The following PIEZO2 variants were observed in gnomAD, a reference collection of about 807,000 sequenced individuals.
The protein encoded by PIEZO2 is piezo-type mechanosensitive ion channel component 2.
In PIEZO2, 172 loss-of-function variants were observed where a neutral mutation model predicts 337.3. That is an observed-to-expected ratio of 0.51 (90% CI 0.45 to 0.58). The LOEUF (loss-of-function observed/expected upper bound fraction) is 0.58. PIEZO2 is among the 20% of genes least tolerant of loss of function. The probability of loss-of-function intolerance (pLI) is 0.00; values close to 1 mark genes in which losing one functional copy is unlikely to be tolerated. For synonymous variants in PIEZO2, 1,251 were observed against 1,228.5 expected (o/e 1.02, Z -0.38); for missense variants, 3,028 against 3,391.3 (o/e 0.89, Z 2.66).
At chr18:10,725,216 A>T in intron 36 of PIEZO2, 1 of 1,562,264 alleles carries the variant, frequency 6.4e-7, no homozygotes, top group Non-Finnish European at 8.8e-7. Context: ...GTTCTGGAGA[A>T]GTTTGGAACC....
rs114532636 is a variant in PIEZO2, at chr18:11,107,073, C to T, written c.65-40851G>A. Among the ~76,000 whole-genome samples, 601 of 152,228 alleles carry T rather than the reference C, an allele frequency of 3.9e-3. 7 individuals carry two copies. The highest frequency in any genetic ancestry group is 0.014 in the African/African-American group (574 of 41,544). On this transcript the variant is annotated intron_variant, in intron 1 of 55. Transcript: ENST00000674853. ...CACTTCTTTCTCTGATCTCAATGACCGCAACTTTTCACACCCTTTTTAGCA... is the reference window on the plus strand; with the variant it reads ...CACTTCTTTCTCTGATCTCAATGACTGCAACTTTTCACACCCTTTTTAGCA...
intron 3 of PIEZO2, among the ~76,000 whole-genome samples, chr18:10,975,054 C>T (rs2034390739): frequency 6.6e-6 from 1 of 152,102 alleles, no homozygotes; most frequent in Admixed American, 6.6e-5. Context: ...GCAAAGCTCA[C>T]CTGGAACAAG....
intron 27 of PIEZO2, among the ~76,000 whole-genome samples, chr18:10,756,257 G>A (rs1419657641): frequency 6.7e-6 from 1 of 150,034 alleles, no homozygotes; most frequent in Admixed American, 6.6e-5. Context: ...GATAAAGGAT[G>A]AGAATGAGGG....
At chr18:10,696,974 G>A (rs114858202) in intron 45 of PIEZO2, among the ~76,000 whole-genome samples, 1,603 of 152,300 alleles carry the variant, frequency 0.011, 21 homozygotes, top group African/African-American at 0.037. Flanking sequence ...AAGTAAATGA[G>A]GGAATGCATG....
chr18:10,975,437 A>G (rs577231058), intron 3 of PIEZO2, among the ~76,000 whole-genome samples: 24 of 152,060 alleles, frequency 1.6e-4, no homozygotes, highest in African/African-American at 5.8e-4. Context: ...GCCCCCATGG[A>G]CTCCTCACTT....
At chr18:11,041,449 C>G (rs965862451) in intron 2 of PIEZO2, among the ~76,000 whole-genome samples, 1 of 152,012 alleles carries the variant, frequency 6.6e-6, no homozygotes, top group Non-Finnish European at 1.5e-5. Flanking sequence ...TAGACAAAGG[C>G]ATGATTTCAA....
chr18:10,995,082 A>AAAAAAAAAAGAAAT (rs534311613), intron 2 of PIEZO2, among the ~76,000 whole-genome samples: 1 of 128,124 alleles, frequency 7.8e-6, no homozygotes, highest in Non-Finnish European at 1.6e-5. Context: ...CGTCTCAAAA[A>AAAAAAAAAAGAAAT]AAAAAAAAAA....
At chr18:10,769,759 A>G (rs539709449) in intron 21 of PIEZO2, 2 of 163,400 alleles carry the variant, frequency 1.2e-5, no homozygotes, top group African/African-American at 4.8e-5. Context: ...GAACTCTACT[A>G]AAGATTTTAT....
At position 10,713,576 on chromosome 18, in the gene PIEZO2, C is replaced by T. The variant is rs905073404; in HGVS notation, c.5423+1188G>A. On this transcript the variant is annotated intron_variant, in intron 39 of 55. Coordinates refer to ENST00000674853, the MANE Select transcript of PIEZO2 (RefSeq NM_001378183.1). This position sits in a 1 kb window ranked among gnomAD's most constrained non-coding sequence, Gnocchi z 4.5. Reference sequence around the variant, plus strand: ...GTTTCTGACCAGCAGTCAGAGACACCAGTCTCTACTGTCCTCCCCAGGGCA... The same window carrying T: ...GTTTCTGACCAGCAGTCAGAGACACTAGTCTCTACTGTCCTCCCCAGGGCA... 6.6e-6 allele frequency among the ~76,000 whole-genome samples: 1 copy of T among 152,138 alleles called. No homozygotes were observed. The highest frequency in any genetic ancestry group is 2.4e-5 in the African/African-American group (1 of 41,420).
At position 10,861,163 on chromosome 18, in the gene PIEZO2, A is replaced by ATT. The variant is rs1389429490; in HGVS notation, c.493-3953_493-3952insAA. ...CACTCTCGCATGTTTACTAACAGGCAGTCTTGCTTGCTGGAGCTGTAAGCT... is the reference window on the plus strand; with the variant it reads ...CACTCTCGCATGTTTACTAACAGGCATTGTCTTGCTTGCTGGAGCTGTAAGCT... On this transcript the variant is annotated intron_variant, in intron 5 of 55. Transcript: ENST00000674853. This position sits in a 1 kb window ranked among gnomAD's most constrained non-coding sequence, Gnocchi z 4.3. Among the ~76,000 whole-genome samples the ATT allele has an allele frequency of 6.6e-6, 1 of 152,258 alleles. No individual in the cohort carries two copies. The highest frequency in any genetic ancestry group is 2.4e-5 in the African/African-American group (1 of 41,472).
At chr18:10,792,405 T>C (rs562458304) in intron 13 of PIEZO2, among the ~76,000 whole-genome samples, 12 of 152,242 alleles carry the variant, frequency 7.9e-5, no homozygotes. Context: ...ATCAACCCTG[T>C]GTAAGAAGCC....
rs2034267089 is a variant in PIEZO2 at position 10,681,605 on chromosome 18, G to A, written c.7779+56C>T. On this transcript the variant is annotated intron_variant, in intron 51 of 55. Coordinates refer to ENST00000674853, the MANE Select transcript of PIEZO2 (RefSeq NM_001378183.1). Reference sequence around the variant, plus strand: ...ATGGCAAAGCATTAAATGACAATGAGTGAACTTCCCTAGATGAGAGGTCTT... The same window carrying A: ...ATGGCAAAGCATTAAATGACAATGAATGAACTTCCCTAGATGAGAGGTCTT... 3.6e-6 allele frequency: 5 copies of A among 1,397,440 alleles called. No individual in the cohort carries two copies. In the East Asian group the frequency reaches 9.2e-5, roughly 26 times the overall value. The allele number at this position is 1,397,440 out of a possible 1,614,324, so 86.6% of individuals were successfully genotyped here.
In PIEZO2 at chr18:10,718,394, G is replaced by A. The variant is rs756416642; in HGVS notation, c.5030-135C>T. 6 of 730,776 alleles carry A rather than the reference G, an allele frequency of 8.2e-6. No individual in the cohort carries two copies. The East Asian group carries it at 1.6e-4, about 20-fold the overall frequency. The allele number at this position is 730,776 out of a possible 1,614,324, so 45.3% of individuals were successfully genotyped here. A position where few individuals can be genotyped will look rare whatever the true frequency, so the allele number is the denominator to read the frequency against. On this transcript the variant is annotated intron_variant, in intron 36 of 55. Transcript: ENST00000674853. The stretch of plus-strand genomic sequence containing the variant: ...TATTTCAAGAGTTCCTTGGGGAAAG[G>A]TTGTTAGAATTCATAGCTCTTAGAT...
rs2035895536 is a variant in PIEZO2, at chr18:10,713,413, T to C, written c.5423+1351A>G. ...TAATTCCAACATCCAGTTGTCTATT[T>C]TGGGTTTGATATCAATAAAATGGTC... On this transcript the variant is annotated intron_variant, in intron 39 of 55. Coordinates refer to ENST00000674853, the MANE Select transcript of PIEZO2 (RefSeq NM_001378183.1). This position sits in a 1 kb window ranked among gnomAD's most constrained non-coding sequence, Gnocchi z 4.5. Among the ~76,000 whole-genome samples the C allele has an allele frequency of 6.6e-6, 1 of 152,146 alleles. No individual in the cohort carries two copies. The highest frequency in any genetic ancestry group is 1.5e-5 in the Non-Finnish European group (1 of 68,018).
In PIEZO2 at chr18:11,143,470, T is replaced by C. The variant is rs2040713772; in HGVS notation, c.64+5055A>G. On this transcript the variant is annotated intron_variant, in intron 1 of 55. Coordinates refer to ENST00000674853, the MANE Select transcript of PIEZO2 (RefSeq NM_001378183.1). This position sits in a 1 kb window ranked among gnomAD's most constrained non-coding sequence, Gnocchi z 4.9. ...AAACAAAAGCAAACGTTAACAGTAT[T>C]GATCTAGTGAGAACAATATGTAATT... Among the ~76,000 whole-genome samples, 2 of 152,174 alleles carry C rather than the reference T, an allele frequency of 1.3e-5. No individual in the cohort carries two copies. The highest frequency in any genetic ancestry group is 4.1e-4 in the South Asian group (2 of 4,822).
At position 10,861,568 on chromosome 18, in the gene PIEZO2, A is replaced by G. The variant is rs1286226141; in HGVS notation, c.493-4357T>C. On this transcript the variant is annotated intron_variant, in intron 5 of 55. Transcript: ENST00000674853. This position sits in a 1 kb window ranked among gnomAD's most constrained non-coding sequence, Gnocchi z 4.3. ...CTAAAGAAGTTGCACTGATAGAAGTAGAGAGTAGAGGGGTAGTTACCAGAG... is the reference window on the plus strand; with the variant it reads ...CTAAAGAAGTTGCACTGATAGAAGTGGAGAGTAGAGGGGTAGTTACCAGAG... Among the ~76,000 whole-genome samples the G allele has an allele frequency of 6.6e-6, 1 of 152,224 alleles. No individual in the cohort carries two copies. The highest frequency in any genetic ancestry group is 1.9e-4 in the East Asian group (1 of 5,190).
chr18:10,911,597 A>G (rs576106534), intron 3 of PIEZO2, among the ~76,000 whole-genome samples: 9 of 152,262 alleles, frequency 5.9e-5, no homozygotes, highest in African/African-American at 1.9e-4. Context: ...TCAACTAAAA[A>G]TACAAAAATT....
In PIEZO2 at chr18:11,033,855, C is replaced by A. The variant is rs765523668; in HGVS notation, c.160+32272G>T. Among the ~76,000 whole-genome samples the A allele has an allele frequency of 6.6e-6, 1 of 152,082 alleles. No individual in the cohort carries two copies. The highest frequency in any genetic ancestry group is 1.5e-5 in the Non-Finnish European group (1 of 68,022). ...GACTGCTAAGAATGTGCAAAGCTGA[C>A]AGTCACGTTTTTTCCTAACTTTCCA... is the stretch of plus-strand genomic sequence containing the variant. On this transcript the variant is annotated intron_variant, in intron 2 of 55. Transcript: ENST00000674853. This position sits in a 1 kb window ranked among gnomAD's most constrained non-coding sequence, Gnocchi z 4.2.
At chr18:10,961,905 C>T (rs1452955595) in intron 3 of PIEZO2, among the ~76,000 whole-genome samples, 1 of 152,142 alleles carries the variant, frequency 6.6e-6, no homozygotes, top group Non-Finnish European at 1.5e-5. Flanking sequence ...CAAGGACTTT[C>T]CCTAGAGATC....
Sources: allele counts gnomAD v4.1 joint callset (sites outside exome capture counted in the v4.1 genomes callset), GRCh38; gene constraint gnomAD v4.1.1; non-coding constraint Gnocchi (gnomAD v3.1); transcripts MANE v1.5; gene names NCBI Gene and HGNC (gene_info 2026-07-23, HGNC 2026-07-21).